ZFYVE28: variants seen among roughly 807,000 people sequenced by gnomAD.
ZFYVE28 encodes zinc finger FYVE-type containing 28.
ZFYVE28 carries 40 observed loss-of-function variants against 82.1 expected under a neutral mutation model. The observed-to-expected ratio is 0.49, with a 90% confidence interval of 0.38 to 0.63. ZFYVE28 has a LOEUF of 0.63. ZFYVE28 is among the 30% of genes least tolerant of loss of function. The pLI, the probability that ZFYVE28 is intolerant of heterozygous loss-of-function variation, is 0.00. For missense variants in ZFYVE28, 1,321 were observed against 1,242.1 expected, an observed-to-expected ratio of 1.06 and a Z score of -0.96; for synonymous variants, 612 against 546.1, an observed-to-expected ratio of 1.12 and a Z score of -1.68.
intron 1 of ZFYVE28, among the ~76,000 whole-genome samples, chr4:2,385,095 G>A (rs1729112994): frequency 6.6e-6 from 1 of 152,184 alleles, no homozygotes; most frequent in East Asian, 1.9e-4. Flanking sequence ...CTGGCGAGAA[G>A]GGGGACCAGA....
intron 1 of ZFYVE28, among the ~76,000 whole-genome samples, chr4:2,411,202 T>C (rs1338536907): frequency 1.3e-5 from 2 of 152,020 alleles, no homozygotes; most frequent in African/African-American, 2.4e-5. Flanking sequence ...TTTGGACCCA[T>C]GTTCCTTGTC....
intron 1 of ZFYVE28, among the ~76,000 whole-genome samples, chr4:2,383,550 C>T (rs981840737): frequency 6.6e-6 from 1 of 152,170 alleles, no homozygotes; most frequent in Non-Finnish European, 1.5e-5. Context: ...TTAGTGGCAG[C>T]GCACTTATCC....
At chr4:2,276,709 C>T (rs1357510410) in intron 8 of ZFYVE28, among the ~76,000 whole-genome samples, 1 of 152,038 alleles carries the variant, frequency 6.6e-6, no homozygotes, top group Non-Finnish European at 1.5e-5. Flanking sequence ...ACCCAGCTAC[C>T]AAAGGATGCG....
chr4:2,361,407 CAGGGAGAGAGACGCGGTGCGCACGTGT>C (rs911728601), intron 1 of ZFYVE28, among the ~76,000 whole-genome samples: 8 of 152,168 alleles, frequency 5.3e-5, no homozygotes, highest in African/African-American at 4.8e-5. Flanking sequence ...GAGGCACGTG[CAGGGAGAGAGACGCGGTGCGCACGTGT>C]GAGCTCAGCC....
intron 1 of ZFYVE28, among the ~76,000 whole-genome samples, chr4:2,414,265 C>T (rs1732809358): frequency 6.6e-6 from 1 of 152,252 alleles, no homozygotes; most frequent in Non-Finnish European, 1.5e-5. Context: ...TCAGTCCTGG[C>T]AGGTTCCCAC....
At chr4:2,344,805 A>G (rs1428039132) in intron 2 of ZFYVE28, among the ~76,000 whole-genome samples, 1 of 152,226 alleles carries the variant, frequency 6.6e-6, no homozygotes, top group Non-Finnish European at 1.5e-5. Context: ...CTGAGGCAGG[A>G]GAATCGCTTG....
chr4:2,316,724 G>A (rs1030213016), intron 7 of ZFYVE28, among the ~76,000 whole-genome samples: 3 of 147,208 alleles, frequency 2.0e-5, no homozygotes, highest in African/African-American at 5.1e-5. Context: ...ATGGAGTCTC[G>A]CTCTGTAGCC....
At chr4:2,386,790 G>A (rs1330351452) in intron 1 of ZFYVE28, among the ~76,000 whole-genome samples, 1 of 152,252 alleles carries the variant, frequency 6.6e-6, no homozygotes, top group Non-Finnish European at 1.5e-5. Context: ...TTTCATTAAA[G>A]CAACAGAAAA....
At chr4:2,378,077 C>T (rs545520606) in intron 1 of ZFYVE28, among the ~76,000 whole-genome samples, 187 of 152,330 alleles carry the variant, frequency 1.2e-3, no homozygotes, top group African/African-American at 4.4e-3. Context: ...CGGTGGCTCA[C>T]GCCTGTAATC....
chr4:2,304,763 GA>G lies in ZFYVE28; in HGVS notation c.1576del (p.Ser526ProfsTer74). On this transcript the variant is annotated frameshift_variant, in exon 8 of 13. Coordinates refer to ENST00000290974, the MANE Select transcript of ZFYVE28 (RefSeq NM_020972.3). LOFTEE classifies it high-confidence loss of function. The part of the protein sequence containing the change: ...TVIFNPKSPT[S>X]LDSAVATQEA... ...CTGGGTGGCGACCGCAGAGTCCAGG[GA>G]AGTGGGCGATTTGGGGTTGAAGATG... The G allele has an allele frequency of 6.2e-7, 1 of 1,612,656 alleles. No homozygotes were observed. Among genetic ancestry groups the G allele is most frequent in the Non-Finnish European group, 8.5e-7 (1 of 1,179,942 alleles).
At chr4:2,407,132 C>T (rs974396015) in intron 1 of ZFYVE28, among the ~76,000 whole-genome samples, 1 of 152,140 alleles carries the variant, frequency 6.6e-6, no homozygotes, top group Non-Finnish European at 1.5e-5. Flanking sequence ...CCCACCATTG[C>T]ACCTTGCCTC....
intron 1 of ZFYVE28, among the ~76,000 whole-genome samples, chr4:2,367,226 G>T (rs1028798733): frequency 2.6e-5 from 4 of 152,246 alleles, no homozygotes; most frequent in African/African-American, 9.6e-5. Flanking sequence ...AACTGCCAGA[G>T]ATCTCATTTT....
At chr4:2,293,470 T>A (rs1216250607) in intron 8 of ZFYVE28, among the ~76,000 whole-genome samples, 7 of 151,630 alleles carry the variant, frequency 4.6e-5, no homozygotes, top group Non-Finnish European at 1.5e-5. Context: ...TTCTAGAAGA[T>A]CAGCCGGGTA....
chr4:2,381,804 C>T (rs1728758525), intron 1 of ZFYVE28, among the ~76,000 whole-genome samples: 1 of 152,246 alleles, frequency 6.6e-6, no homozygotes, highest in African/African-American at 2.4e-5. Flanking sequence ...ACGTTAATCC[C>T]CAAGACAACT....
intron 1 of ZFYVE28, among the ~76,000 whole-genome samples, chr4:2,368,792 G>A (rs938957099): frequency 6.6e-6 from 1 of 152,164 alleles, no homozygotes; most frequent in Non-Finnish European, 1.5e-5. Flanking sequence ...AGTTTTTGTG[G>A]GGACATATGT....
At chr4:2,381,528 TC>T (rs1419430246) in intron 1 of ZFYVE28, among the ~76,000 whole-genome samples, 3 of 152,172 alleles carry the variant, frequency 2.0e-5, no homozygotes, top group Admixed American at 2.0e-4. Context: ...TGACTCAGCC[TC>T]CTGAGTAGCT....
At chr4:2,275,740 G>A (rs758200055) in intron 8 of ZFYVE28, among the ~76,000 whole-genome samples, 8 of 152,248 alleles carry the variant, frequency 5.3e-5, no homozygotes, top group Non-Finnish European at 1.0e-4. Flanking sequence ...TGTTCGCACC[G>A]TTTCAGTAAA....
chr4:2,327,387 A>C (rs1247508534), intron 6 of ZFYVE28, among the ~76,000 whole-genome samples: 1 of 148,814 alleles, frequency 6.7e-6, no homozygotes, highest in Non-Finnish European at 1.5e-5. Context: ...TCTCTTGCCT[A>C]ATTGCTTTGG....
chr4:2,329,842 T>A (rs28620218), intron 6 of ZFYVE28, among the ~76,000 whole-genome samples: 11,382 of 152,224 alleles, frequency 0.075, 522 homozygotes, highest in African/African-American at 0.12. Context: ...TGGATATCCA[T>A]CCCTTCTCAA....
Sources: gnomAD v4.1 joint callset for allele counts (sites outside exome capture counted in the v4.1 genomes callset) on GRCh38, gnomAD v4.1.1 for gene constraint, MANE v1.5 for transcripts, NCBI Gene and HGNC (gene_info 2026-07-23, HGNC 2026-07-21) for gene names.